BCAT1: variants seen among roughly 807,000 people sequenced by gnomAD.
The protein encoded by BCAT1 is branched chain amino acid transaminase 1, also known as branched-chain-amino-acid aminotransferase, cytosolic.
Under a neutral mutation model 52.4 loss-of-function variants are expected in BCAT1, and 48 were observed. That is an observed-to-expected ratio of 0.92 (90% CI 0.73 to 1.16). The LOEUF is 1.16. Ranked by LOEUF, BCAT1 falls within the 50% of genes most tolerant of loss-of-function variation. The pLI, the probability that BCAT1 is intolerant of heterozygous loss-of-function variation, is 0.00. For synonymous variants in BCAT1, 167 were observed against 161.3 expected (o/e 1.04, Z -0.27); for missense variants, 451 against 457.1 (o/e 0.99, Z 0.12).
At chr12:24,841,986 G>T in intron 7 of BCAT1, 96 bp downstream of exon 7, 3 of 1,380,486 alleles carry the variant, frequency 2.2e-6, no homozygotes, top group Non-Finnish European at 3.0e-6. Context: ...TTGGAACTGT[G>T]CTACTTACTC....
intron 10 of BCAT1, 27 bp from the exon 11 acceptor site, chr12:24,818,076 T>C (rs779189968): frequency 8.7e-6 from 14 of 1,612,274 alleles, no homozygotes; most frequent in Admixed American, 3.3e-5. Context: ...AAAACGTGTT[T>C]CAGTACAGAA....
intron 1 of BCAT1, among the ~76,000 whole-genome samples, chr12:24,927,558 GAGAATGGGAAAC>G (rs1041224610): frequency 2.0e-5 from 3 of 152,208 alleles, no homozygotes; most frequent in Non-Finnish European, 4.4e-5. Flanking sequence ...ATAAGGGAAA[GAGAATGGGAAAC>G]ATGATAATGA....
chr12:24,926,523 G>A (rs1943590293), intron 1 of BCAT1, among the ~76,000 whole-genome samples: 1 of 152,266 alleles, frequency 6.6e-6, no homozygotes, highest in African/African-American at 2.4e-5. Flanking sequence ...AGAAAAGGGG[G>A]AAATGTGGGG....
At chr12:24,871,256 T>C (rs1942177981) in intron 5 of BCAT1, among the ~76,000 whole-genome samples, 1 of 152,154 alleles carries the variant, frequency 6.6e-6, no homozygotes, top group African/African-American at 2.4e-5. Context: ...AATAATTCCT[T>C]GGGTTGTATG....
chr12:24,869,804 T>A (rs1942130029), intron 5 of BCAT1, among the ~76,000 whole-genome samples: 1 of 152,210 alleles, frequency 6.6e-6, no homozygotes, highest in East Asian at 1.9e-4. Context: ...ATTGAACCCA[T>A]CATGCTCTCA....
At chr12:24,908,903 T>C (rs1943269589) in intron 1 of BCAT1, among the ~76,000 whole-genome samples, 1 of 152,188 alleles carries the variant, frequency 6.6e-6, no homozygotes, top group African/African-American at 2.4e-5. Context: ...TACTAACCTC[T>C]TTTGAGTCTC....
chr12:24,947,001 A>T (rs1292047071), intron 1 of BCAT1, among the ~76,000 whole-genome samples: 1 of 152,120 alleles, frequency 6.6e-6, no homozygotes, highest in Non-Finnish European at 1.5e-5. Context: ...GGCCAGCATT[A>T]AATTCTTTTC....
chr12:24,915,457 T>A (rs889931431), intron 1 of BCAT1, among the ~76,000 whole-genome samples: 10 of 152,204 alleles, frequency 6.6e-5, no homozygotes, highest in African/African-American at 2.4e-4. Context: ...AGGAATTAGA[T>A]AAATCTTTAC....
Position 24,813,754 on chromosome 12 carries a change from T to C in BCAT1, c.*4254A>G, listed in dbSNP as rs563763275. On this transcript the variant is annotated 3_prime_UTR_variant, in exon 11 of 11. Coordinates refer to ENST00000261192, the MANE Select transcript of BCAT1 (RefSeq NM_005504.7). ...GAATTAAAGAAGGATAAAGTTGCTT[T>C]AAAAATGAGATAAACTATTCATTGA... The C allele has an allele frequency of 1.4e-4, 21 of 152,074 alleles. No homozygotes were observed. The highest frequency in any genetic ancestry group is 1.9e-4 in the Non-Finnish European group (13 of 67,946). 9.4% of individuals were successfully genotyped at this position (152,074 alleles called of 1,614,324 possible).
chr12:24,917,277 C>A (rs1394270785), intron 1 of BCAT1, among the ~76,000 whole-genome samples: 1 of 145,962 alleles, frequency 6.9e-6, no homozygotes, highest in Non-Finnish European at 1.5e-5. Context: ...CTTGCCGCTT[C>A]GCGCCATTCT....
chr12:24,872,390 G>C (rs1942205488), intron 5 of BCAT1, among the ~76,000 whole-genome samples: 1 of 152,162 alleles, frequency 6.6e-6, no homozygotes, highest in South Asian at 2.1e-4. Context: ...TTTTAAAATG[G>C]GAGTTCTAAT....
At chr12:24,918,721 A>G (rs867625445) in intron 1 of BCAT1, among the ~76,000 whole-genome samples, 1 of 152,220 alleles carries the variant, frequency 6.6e-6, no homozygotes, top group Admixed American at 6.6e-5. Flanking sequence ...CCTATGTTCA[A>G]AATAGAATCG....
chr12:24,844,670 G>A (rs536700808), intron 6 of BCAT1, among the ~76,000 whole-genome samples: 46 of 151,404 alleles, frequency 3.0e-4, no homozygotes, highest in African/African-American at 1.1e-3. Flanking sequence ...AGGCGAGACG[G>A]CCGGATCATG....
chr12:24,909,590 C>G (rs985412086), intron 1 of BCAT1, among the ~76,000 whole-genome samples: 19 of 152,152 alleles, frequency 1.2e-4, no homozygotes, highest in African/African-American at 4.6e-4. Context: ...AGAATCCTAC[C>G]TTTCTTCTTC....
chr12:24,848,215 ATTATT>A (rs1285993854), intron 6 of BCAT1, among the ~76,000 whole-genome samples: 2 of 152,214 alleles, frequency 1.3e-5, no homozygotes, highest in Admixed American at 6.5e-5. Context: ...AATAGATTTT[ATTATT>A]TTAGAGTACT....
chr12:24,930,006 G>A (rs534043124), intron 1 of BCAT1, among the ~76,000 whole-genome samples: 17 of 152,310 alleles, frequency 1.1e-4, no homozygotes, highest in Admixed American at 3.9e-4. Context: ...CAGGACCCAC[G>A]GGGTTAAGTG....
chr12:24,840,717 C>T (rs1366653721), intron 7 of BCAT1, among the ~76,000 whole-genome samples: 1 of 152,196 alleles, frequency 6.6e-6, no homozygotes, highest in African/African-American at 2.4e-5. Flanking sequence ...AATTCAGCCA[C>T]ATCTAAATTA....
intron 3 of BCAT1, among the ~76,000 whole-genome samples, chr12:24,892,431 C>T (rs570872937): frequency 3.9e-5 from 6 of 152,194 alleles, no homozygotes; most frequent in East Asian, 1.9e-4. Flanking sequence ...GTCCCTGGAG[C>T]GACAAAATTA....
chr12:24,930,896 CTTT>C (rs5797108), intron 1 of BCAT1, among the ~76,000 whole-genome samples: 31,552 of 95,218 alleles, frequency 0.33, 4,215 homozygotes, highest in Middle Eastern at 0.57. Context: ...GAACAGGGCC[CTTT>C]TTTTTTTTTT....
Sources: gnomAD v4.1 joint callset for allele counts (sites outside exome capture counted in the v4.1 genomes callset) on GRCh38, gnomAD v4.1.1 for gene constraint, MANE v1.5 for transcripts, NCBI Gene and HGNC (gene_info 2026-07-23, HGNC 2026-07-21) for gene names.